Variants in CDH18 observed in about 807,000 individuals in gnomAD.
CDH18 encodes the protein cadherin 18.
Under a neutral mutation model 67.9 loss-of-function variants are expected in CDH18, and 31 were observed. That is an observed-to-expected ratio of 0.46 (90% confidence interval 0.34 to 0.62). The LOEUF (loss-of-function observed/expected upper bound fraction) is 0.62. Among genes scored for constraint, CDH18 ranks in the 20% least tolerant of loss-of-function variants. CDH18 has a pLI of 0.01. For missense variants in CDH18, 890 were observed against 975.5 expected, an observed-to-expected ratio of 0.91 and a Z score of 1.17; for synonymous variants, 362 against 347.2, an observed-to-expected ratio of 1.04 and a Z score of -0.48.
Position 20,429,598 on chromosome 5 carries a change from TG to T in CDH18, c.-580+145863del, listed in dbSNP as rs375228071. Among the ~76,000 whole-genome samples the T allele has an allele frequency of 7.2e-3, 1,090 of 152,140 alleles. 8 individuals are homozygous for T. The highest frequency in any genetic ancestry group is 0.025 in the African/African-American group (1,018 of 41,502). The stretch of plus-strand genomic sequence containing the variant: ...TGTGTACAAATCTCACAAATATGAA[TG>T]GGGGGGCAAAAGGATGATGAAGATT... On this transcript the variant is annotated intron_variant, in intron 1 of 14. Transcript: ENST00000507958.
intron 2 of CDH18, among the ~76,000 whole-genome samples, chr5:20,090,735 A>G (rs1342722605): frequency 6.6e-6 from 1 of 152,034 alleles, no homozygotes; most frequent in Non-Finnish European, 1.5e-5. Context: ...GAAAAGAAAA[A>G]AAAAGAAATA....
intron 1 of CDH18, among the ~76,000 whole-genome samples, chr5:20,303,698 C>T (rs1736147262): frequency 6.6e-6 from 1 of 151,884 alleles, no homozygotes; most frequent in South Asian, 2.1e-4. Flanking sequence ...GGCGGTGGAC[C>T]CCAAAACCCA....
chr5:19,501,335 G>A (rs1579839731), intron 11 of CDH18, among the ~76,000 whole-genome samples: 1 of 150,004 alleles, frequency 6.7e-6, no homozygotes, highest in Non-Finnish European at 1.5e-5. Context: ...AGGGGCAGAG[G>A]CTTATTCCTG....
chr5:19,722,751 C>A (rs1448537955), intron 4 of CDH18, among the ~76,000 whole-genome samples: 1 of 151,724 alleles, frequency 6.6e-6, no homozygotes, highest in East Asian at 1.9e-4. Context: ...TTCCACATCA[C>A]TAGAAAAATT....
At chr5:20,172,211 T>TATAC (rs1561848445) in intron 2 of CDH18, among the ~76,000 whole-genome samples, 3 of 53,700 alleles carry the variant, frequency 5.6e-5, no homozygotes, top group East Asian at 1.0e-3. Flanking sequence ...TATATATATA[T>TATAC]ATATATATAT....
At chr5:19,503,345 T>G (rs1241321365) in intron 10 of CDH18, among the ~76,000 whole-genome samples, 2 of 151,912 alleles carry the variant, frequency 1.3e-5, no homozygotes, top group African/African-American at 4.8e-5. Flanking sequence ...TTTCTAGCAT[T>G]GCAAACGCAT....
chr5:20,568,516 A>AT (rs1581213265), intron 1 of CDH18, among the ~76,000 whole-genome samples: 2 of 152,262 alleles, frequency 1.3e-5, no homozygotes, highest in East Asian at 3.9e-4. Flanking sequence ...ATACCCTAAG[A>AT]CCTCTGCCAG....
intron 1 of CDH18, among the ~76,000 whole-genome samples, chr5:20,280,196 T>G (rs922339727): frequency 6.6e-6 from 1 of 151,962 alleles, no homozygotes; most frequent in Admixed American, 6.6e-5. Context: ...TTATTTTATT[T>G]ATTTTTTTTC....
At chr5:19,484,912 AG>A (rs1359628824) in intron 11 of CDH18, among the ~76,000 whole-genome samples, 1 of 152,242 alleles carries the variant, frequency 6.6e-6, no homozygotes, top group Non-Finnish European at 1.5e-5. Flanking sequence ...TGCACTAAAA[AG>A]TAAGTGGGTC....
At chr5:20,103,317 CT>C (rs1018309969) in intron 2 of CDH18, among the ~76,000 whole-genome samples, 2 of 151,606 alleles carry the variant, frequency 1.3e-5, no homozygotes, top group Admixed American at 6.6e-5. Context: ...GTAAATCAGA[CT>C]TTTTTTGTCA....
chr5:20,278,513 G>T (rs548455988), intron 1 of CDH18, among the ~76,000 whole-genome samples: 2 of 152,082 alleles, frequency 1.3e-5, no homozygotes, highest in South Asian at 4.2e-4. Context: ...ATGCTAAAGG[G>T]AGTTCTTCAG....
rs942101773 is a variant in CDH18, at chr5:19,550,288, G to A, written c.1254-6283C>T. Reference sequence around the variant, plus strand: ...TATTATTATTATTATTATACTTTAAGTTTTAGTGTACATGTGCACAATGTG... The same window carrying A: ...TATTATTATTATTATTATACTTTAAATTTTAGTGTACATGTGCACAATGTG... On this transcript the variant is annotated intron_variant, in intron 8 of 12. Coordinates refer to ENST00000382275, the MANE Select transcript of CDH18 (RefSeq NM_004934.5). 2.6e-5 allele frequency among the ~76,000 whole-genome samples: 4 copies of A among 151,934 alleles called. No individual in the cohort carries two copies. The East Asian group carries it at 5.8e-4, about 22-fold the overall frequency.
intron 5 of CDH18, among the ~76,000 whole-genome samples, chr5:19,634,161 A>C (rs1752783945): frequency 6.6e-6 from 1 of 152,226 alleles, no homozygotes. Context: ...CTAATATTAC[A>C]TGAAGCTATG....
chr5:19,483,696 T>C (rs1739885388), intron 11 of CDH18, 144 bp from the exon 12 acceptor site: 1 of 793,830 alleles, frequency 1.3e-6, no homozygotes. Flanking sequence ...GGGCAATTAT[T>C]AAAGAGAAGC....
At chr5:20,025,731 G>T (rs1260087783) in intron 2 of CDH18, among the ~76,000 whole-genome samples, 1 of 152,078 alleles carries the variant, frequency 6.6e-6, no homozygotes, top group Non-Finnish European at 1.5e-5. Flanking sequence ...CAGCTTTCTT[G>T]TCCAGAGCCT....
At chr5:20,131,227 A>G (rs1333270973) in intron 2 of CDH18, among the ~76,000 whole-genome samples, 4 of 152,072 alleles carry the variant, frequency 2.6e-5, no homozygotes, top group Non-Finnish European at 5.9e-5. Context: ...AAACAAAACA[A>G]AAAAACAGTA....
At chr5:20,351,160 TTGTGTGTGTGTGTGTG>T (rs375375615) in intron 1 of CDH18, among the ~76,000 whole-genome samples, 4 of 132,156 alleles carry the variant, frequency 3.0e-5, no homozygotes, top group Admixed American at 8.1e-5. Flanking sequence ...GTAAATGTAT[TTGTGTGTGTGTGTGTG>T]TGTGTGTGTG....
chr5:19,653,988 A>G (rs1755956250), intron 5 of CDH18, among the ~76,000 whole-genome samples: 1 of 152,168 alleles, frequency 6.6e-6, no homozygotes, highest in Non-Finnish European at 1.5e-5. Flanking sequence ...TGACTTGTTA[A>G]TGTTTCCCTA....
chr5:20,271,758 C>T (rs978820566), intron 1 of CDH18, among the ~76,000 whole-genome samples: 2 of 151,988 alleles, frequency 1.3e-5, no homozygotes, highest in African/African-American at 4.8e-5. Context: ...GGATTTCCAG[C>T]CATGACAACT....
Sources: gnomAD v4.1 joint callset for allele counts (sites outside exome capture counted in the v4.1 genomes callset) on GRCh38, gnomAD v4.1.1 for gene constraint, MANE v1.5 for transcripts, NCBI Gene and HGNC (gene_info 2026-07-23, HGNC 2026-07-21) for gene names.